BNC2: variants seen among roughly 807,000 people sequenced by gnomAD.
The protein encoded by BNC2 is zinc finger protein basonuclin-2.
In BNC2, 20 loss-of-function variants were observed where a neutral mutation model predicts 76.3. That is an observed-to-expected ratio of 0.26 (90% confidence interval 0.18 to 0.38). The LOEUF (loss-of-function observed/expected upper bound fraction) is 0.38. Ranked by LOEUF, BNC2 falls within the 10% of genes least tolerant of loss-of-function variation. The pLI is 1.00. For synonymous variants in BNC2, 582 were observed against 514.8 expected (o/e 1.13, Z -1.77); for missense variants, 1,382 against 1,399.8 (o/e 0.99, Z 0.20).
intron 1 of BNC2, among the ~76,000 whole-genome samples, chr9:16,861,037 CAAA>C (rs11306929): frequency 2.8e-5 from 4 of 144,196 alleles, no homozygotes; most frequent in Admixed American, 6.9e-5. Context: ...GACTCTGTCT[CAAA>C]AAAAAAAAAA....
intron 1 of BNC2, among the ~76,000 whole-genome samples, chr9:16,818,528 T>C (rs1818238873): frequency 6.6e-6 from 1 of 152,172 alleles, no homozygotes; most frequent in African/African-American, 2.4e-5. Flanking sequence ...AGATGACATT[T>C]CGATCACAGG....
chr9:16,861,202 A>AT (rs1819401714), intron 1 of BNC2, among the ~76,000 whole-genome samples: 5 of 147,846 alleles, frequency 3.4e-5, no homozygotes, highest in Non-Finnish European at 5.9e-5. Context: ...ATATATATAT[A>AT]AATTAACCAG....
intron 5 of BNC2, among the ~76,000 whole-genome samples, chr9:16,530,764 G>A (rs1245540677): frequency 6.6e-6 from 1 of 152,228 alleles, no homozygotes; most frequent in South Asian, 2.1e-4. Flanking sequence ...CTGACAAGAA[G>A]AGAAATGAGT....
intron 5 of BNC2, among the ~76,000 whole-genome samples, chr9:16,460,306 G>T (rs1350853450): frequency 1.3e-5 from 2 of 150,922 alleles, no homozygotes; most frequent in Admixed American, 6.6e-5. Context: ...GAGGTAAAAC[G>T]GAACAGAAAA....
intron 1 of BNC2, among the ~76,000 whole-genome samples, chr9:16,743,955 A>AGTTTGTTTGTTTGTTTGTTT (rs111863200): frequency 2.0e-5 from 3 of 150,610 alleles, no homozygotes; most frequent in Non-Finnish European, 3.0e-5. Flanking sequence ...TACAGACTGC[A>AGTTTGTTTGTTTGTTTGTTT]GTTTGTTTGT....
rs10962558 is a variant in BNC2, at chr9:16,741,410, G to A, written c.4-2925C>T. Among the ~76,000 whole-genome samples, 345 of 151,524 alleles carry A rather than the reference G, an allele frequency of 2.3e-3. 2 individuals are homozygous for A. The highest frequency in any genetic ancestry group is 7.2e-3 in the African/African-American group (296 of 41,248). ...GGAGGTTGCGGTGAGCCGAGATCACGCCACTGCACTCCAGCCTGGGCAACA... is the reference window on the plus strand; with the variant it reads ...GGAGGTTGCGGTGAGCCGAGATCACACCACTGCACTCCAGCCTGGGCAACA... On this transcript the variant is annotated intron_variant, in intron 1 of 6. Coordinates refer to ENST00000380672, the MANE Select transcript of BNC2 (RefSeq NM_017637.6).
In BNC2 at chr9:16,771,612, A is replaced by G. The variant is rs111673875; in HGVS notation, c.4-33127T>C. 1.2e-3 allele frequency among the ~76,000 whole-genome samples: 187 copies of G among 152,368 alleles called. 1 individual carries two copies. The highest frequency in any genetic ancestry group is 4.3e-3 in the African/African-American group (180 of 41,590). On this transcript the variant is annotated intron_variant, in intron 1 of 6. Transcript: ENST00000380672. ...AGACGTTTATAGATTTTAAAAGCCC[A>G]CCAACAGCAATACATGAACTATAAT...
chr9:16,680,733 G>GA (rs891580841), intron 3 of BNC2, among the ~76,000 whole-genome samples: 244 of 142,612 alleles, frequency 1.7e-3, no homozygotes, highest in African/African-American at 5.1e-3. Flanking sequence ...ACTGAGATGA[G>GA]AAAAAAAAAA....
At chr9:16,834,915 G>A (rs1818666899) in intron 1 of BNC2, among the ~76,000 whole-genome samples, 2 of 152,054 alleles carry the variant, frequency 1.3e-5, no homozygotes, top group Admixed American at 1.3e-4. Context: ...ATCTTCAGCA[G>A]TCTCCCCTGT....
intron 5 of BNC2, among the ~76,000 whole-genome samples, chr9:16,534,892 T>C (rs1489841049): frequency 1.3e-5 from 2 of 152,180 alleles, no homozygotes; most frequent in Non-Finnish European, 2.9e-5. Flanking sequence ...TCCTAATCTT[T>C]TGGTTAAACA....
intron 5 of BNC2, among the ~76,000 whole-genome samples, chr9:16,460,492 G>A (rs555610926): frequency 6.6e-6 from 1 of 152,130 alleles, no homozygotes; most frequent in African/African-American, 2.4e-5. Context: ...GTGTGATGGT[G>A]CAAGCCTGTA....
Position 16,410,957 on chromosome 9 carries a change from TG to T in BNC2, c.*8031del, listed in dbSNP as rs1443828404. 1.1e-4 allele frequency: 17 copies of T among 152,196 alleles called. 1 individual carries two copies. Among genetic ancestry groups the T allele is most frequent in the Non-Finnish European group, 2.4e-4 (16 of 68,042 alleles). 9.4% of individuals were successfully genotyped at this position (152,196 alleles called of 1,614,324 possible). On this transcript the variant is annotated 3_prime_UTR_variant, in exon 7 of 7. Coordinates refer to ENST00000380672, the MANE Select transcript of BNC2 (RefSeq NM_017637.6). ...CAAGAGCATCATACCTCATGAATCA[TG>T]CTTCTCGCAGTGGCCACAGCACCGA...
At chr9:16,826,305 T>G (rs1818453742) in intron 1 of BNC2, among the ~76,000 whole-genome samples, 1 of 148,538 alleles carries the variant, frequency 6.7e-6, no homozygotes, top group Non-Finnish European at 1.5e-5. Context: ...ACCAAGCCTG[T>G]GCCATATAGC....
At chr9:16,620,259 C>G (rs1044566245) in intron 3 of BNC2, among the ~76,000 whole-genome samples, 1 of 152,134 alleles carries the variant, frequency 6.6e-6, no homozygotes, top group African/African-American at 2.4e-5. Flanking sequence ...AGCCCTCTCA[C>G]TGGAAATAAA....
rs369643745 is a variant in BNC2, at chr9:16,574,591, G to C, written c.433+8392C>G. On this transcript the variant is annotated intron_variant, in intron 4 of 6. Coordinates refer to ENST00000380672, the MANE Select transcript of BNC2 (RefSeq NM_017637.6). ...TGGTCCAACAGCCAAAAGAACTGGT[G>C]ACCTGACCTCTGCAACTGCATACTG... Among the ~76,000 whole-genome samples the C allele has an allele frequency of 3.9e-5, 6 of 152,218 alleles. No homozygotes were observed. In the East Asian group the frequency reaches 9.7e-4, roughly 25 times the overall value.
At chr9:16,748,568 G>A (rs1449880933) in intron 1 of BNC2, among the ~76,000 whole-genome samples, 1 of 151,488 alleles carries the variant, frequency 6.6e-6, no homozygotes, top group East Asian at 2.0e-4. Context: ...ATTTGCCCGG[G>A]TGCAGTGGCT....
At chr9:16,707,530 C>A (rs1436120601) in intron 3 of BNC2, among the ~76,000 whole-genome samples, 1 of 152,154 alleles carries the variant, frequency 6.6e-6, no homozygotes, top group Non-Finnish European at 1.5e-5. Context: ...TACATGTAAC[C>A]CTCTCCATGG....
In BNC2 at chr9:16,418,934, T is replaced by C; in HGVS notation, c.*55A>G. 1 of 1,593,866 alleles carries C rather than the reference T, an allele frequency of 6.3e-7. No individual in the cohort carries two copies. The highest frequency in any genetic ancestry group is 8.6e-7 in the Non-Finnish European group (1 of 1,163,242). On this transcript the variant is annotated 3_prime_UTR_variant, in exon 7 of 7. Coordinates refer to ENST00000380672, the MANE Select transcript of BNC2 (RefSeq NM_017637.6). ...CATAAGCGCACACTGACTATGGCAG[T>C]TCAAACACGTAGGCCATCTGGTGAG...
intron 1 of BNC2, among the ~76,000 whole-genome samples, chr9:16,859,323 G>A (rs1025386257): frequency 9.2e-5 from 14 of 152,182 alleles, no homozygotes; most frequent in African/African-American, 2.9e-4. Context: ...ACTACTGTAT[G>A]ATCCAGCTAT....
Sources: gnomAD v4.1 joint callset for allele counts (sites outside exome capture counted in the v4.1 genomes callset) on GRCh38, gnomAD v4.1.1 for gene constraint, MANE v1.5 for transcripts, NCBI Gene and HGNC (gene_info 2026-07-23, HGNC 2026-07-21) for gene names.